Variants in SGMS2 observed in about 807,000 individuals in gnomAD.
SGMS2 encodes the protein sphingomyelin synthase 2.
Under a neutral mutation model 43.8 loss-of-function variants are expected in SGMS2, and 21 were observed. The ratio of observed to expected loss-of-function variants is 0.48; its 90% CI spans 0.34 to 0.69. The LOEUF (loss-of-function observed/expected upper bound fraction) is 0.69. SGMS2 is among the 30% of genes least tolerant of loss of function. The probability of loss-of-function intolerance (pLI) is 0.01; values close to 1 mark genes in which losing one functional copy is unlikely to be tolerated. For missense variants in SGMS2, 384 were observed against 443.2 expected (o/e 0.87, Z 1.20); for synonymous variants, 167 against 160.6 (o/e 1.04, Z -0.30).
chr4:107,898,833 C>G (rs1013030553), intron 3 of SGMS2, among the ~76,000 whole-genome samples: 2 of 152,180 alleles, frequency 1.3e-5, no homozygotes, highest in African/African-American at 2.4e-5. Flanking sequence ...GGACAACGTT[C>G]TTCTCACAAA....
Position 107,910,563 on chromosome 4 carries a change from C to A in SGMS2, c.*10C>A. 6.2e-7 allele frequency: 1 copy of A among 1,612,842 alleles called. No individual in the cohort carries two copies. The highest frequency in any genetic ancestry group is 8.5e-7 in the Non-Finnish European group (1 of 1,179,236). ...TGAGAAATCGACCTGAGGAGCAAAA[C>A]AAAGGCATCAGCTCTTACACCAAAA... On this transcript the variant is annotated 3_prime_UTR_variant, in exon 7 of 7. Transcript: ENST00000690982.
At chr4:107,863,808 G>A (rs1727919760) in intron 2 of SGMS2, 2 of 152,118 alleles carry the variant, frequency 1.3e-5, no homozygotes, top group Non-Finnish European at 2.9e-5. Flanking sequence ...TGAAATGTTT[G>A]GGCTCTGTGA....
Position 107,861,336 on chromosome 4 carries a change from A to G in SGMS2, c.-245+2783A>G, listed in dbSNP as rs181358811. On this transcript the variant is annotated intron_variant, in intron 2 of 6. Transcript: ENST00000690982. Reference sequence around the variant, plus strand: ...TTAAATCCTCAGTTATCTGCTGGCAATTTGATTTCCCAAGACCTAAATTCG... The same window carrying G: ...TTAAATCCTCAGTTATCTGCTGGCAGTTTGATTTCCCAAGACCTAAATTCG... 2.6e-3 allele frequency among the ~76,000 whole-genome samples: 400 copies of G among 152,322 alleles called. 3 individuals are homozygous for G. The highest frequency in any genetic ancestry group is 2.8e-3 in the Non-Finnish European group (189 of 68,026).
At chr4:107,890,619 G>C (rs1014097659) in intron 2 of SGMS2, among the ~76,000 whole-genome samples, 2 of 145,914 alleles carry the variant, frequency 1.4e-5, no homozygotes, top group Non-Finnish European at 3.0e-5. Context: ...AGGTTGCAGT[G>C]AGCCAAGATC....
At chr4:107,887,564 T>C (rs1729860218) in intron 2 of SGMS2, among the ~76,000 whole-genome samples, 1 of 152,216 alleles carries the variant, frequency 6.6e-6, no homozygotes, top group South Asian at 2.1e-4. Context: ...AAATATGTCA[T>C]TTTTGGACTT....
chr4:107,908,831 G>T lies in SGMS2; in HGVS notation c.894+100G>T, dbSNP rs1731837855. 3.9e-6 allele frequency: 4 copies of T among 1,029,878 alleles called. No individual in the cohort carries two copies. In the East Asian group the frequency reaches 9.8e-5, roughly 25 times the overall value. 63.8% of individuals were successfully genotyped at this position (1,029,878 alleles called of 1,614,324 possible). On this transcript the variant is annotated intron_variant, in intron 6 of 6. Transcript: ENST00000690982. ...AGATAGCCTAATGGGGATAACCGAT[G>T]TTGCCACATTCACTTAAACATATAT...
intron 2 of SGMS2, among the ~76,000 whole-genome samples, chr4:107,869,038 G>A (rs528828310): frequency 6.6e-6 from 1 of 152,314 alleles, no homozygotes; most frequent in Non-Finnish European, 1.5e-5. Flanking sequence ...AAGAATAGTA[G>A]CCATACCATG....
chr4:107,873,548 T>C (rs1039067499), intron 2 of SGMS2: 13 of 151,916 alleles, frequency 8.6e-5, no homozygotes, highest in African/African-American at 3.1e-4. Context: ...GCCTTGATTA[T>C]ATAAATAATC....
intron 2 of SGMS2, among the ~76,000 whole-genome samples, chr4:107,863,266 C>T (rs779853400): frequency 5.3e-5 from 8 of 152,202 alleles, no homozygotes; most frequent in Non-Finnish European, 1.0e-4. Flanking sequence ...TCACTTGTTA[C>T]ATTTCTAACT....
chr4:107,863,435 G>C (rs1302859900), intron 2 of SGMS2: 3 of 152,152 alleles, frequency 2.0e-5, no homozygotes, highest in Admixed American at 2.0e-4. Context: ...AGAGGTGGGG[G>C]CTGAATTGTG....
intron 2 of SGMS2, among the ~76,000 whole-genome samples, chr4:107,881,460 ATT>A (rs371175215): frequency 6.8e-6 from 1 of 147,842 alleles, no homozygotes; most frequent in Admixed American, 6.8e-5. Context: ...ATTTCTTTTT[ATT>A]TTTTTTTTAT....
intron 1 of SGMS2, among the ~76,000 whole-genome samples, chr4:107,843,636 C>G (rs1726645620): frequency 6.6e-6 from 1 of 152,136 alleles, no homozygotes; most frequent in Non-Finnish European, 1.5e-5. Context: ...GATCTCACAT[C>G]CTTTGGGTTA....
At chr4:107,845,455 T>G (rs1726756741) in intron 1 of SGMS2, among the ~76,000 whole-genome samples, 1 of 152,228 alleles carries the variant, frequency 6.6e-6, no homozygotes, top group African/African-American at 2.4e-5. Flanking sequence ...CCCAACATTC[T>G]CAACATAATC....
At chr4:107,902,282 C>G (rs1274505732) in intron 4 of SGMS2, among the ~76,000 whole-genome samples, 1 of 105,468 alleles carries the variant, frequency 9.5e-6, no homozygotes, top group African/African-American at 6.7e-5. Context: ...AGAGCAAGAC[C>G]CTGTCTCAAA....
intron 1 of SGMS2, among the ~76,000 whole-genome samples, chr4:107,849,923 T>C (rs1245641337): frequency 2.0e-5 from 3 of 152,204 alleles, no homozygotes; most frequent in African/African-American, 7.2e-5. Flanking sequence ...AATACACGTG[T>C]GATATAGTTT....
At chr4:107,885,001 A>G (rs1419603900) in intron 2 of SGMS2, among the ~76,000 whole-genome samples, 1 of 152,130 alleles carries the variant, frequency 6.6e-6, no homozygotes, top group Non-Finnish European at 1.5e-5. Flanking sequence ...AAAAGCCACA[A>G]TAGTTCCTCT....
At chr4:107,837,977 C>T (rs1025505545) in intron 1 of SGMS2, among the ~76,000 whole-genome samples, 3 of 151,920 alleles carry the variant, frequency 2.0e-5, no homozygotes, top group African/African-American at 7.3e-5. Flanking sequence ...TGTCAAATAG[C>T]CAGTTGTGAT....
At chr4:107,883,269 G>T (rs1729499318) in intron 2 of SGMS2, among the ~76,000 whole-genome samples, 1 of 152,062 alleles carries the variant, frequency 6.6e-6, no homozygotes, top group Non-Finnish European at 1.5e-5. Flanking sequence ...GAATTATTGA[G>T]ATTCTACAGT....
intron 2 of SGMS2, chr4:107,863,523 T>C (rs561252343): frequency 6.6e-6 from 1 of 152,316 alleles, no homozygotes; most frequent in East Asian, 1.9e-4. Context: ...ACTGCAATCA[T>C]AGAAATTTTA....
Sources: gnomAD v4.1 joint callset for allele counts (sites outside exome capture counted in the v4.1 genomes callset) on GRCh38, gnomAD v4.1.1 for gene constraint, MANE v1.5 for transcripts, NCBI Gene and HGNC (gene_info 2026-07-23, HGNC 2026-07-21) for gene names.